CKAP5: variants seen among roughly 807,000 people sequenced by gnomAD.
CKAP5 encodes the protein cytoskeleton associated protein 5, also known as cytoskeleton-associated protein 5.
In CKAP5, 27 loss-of-function variants were observed where a neutral mutation model predicts 232.8. That is an observed-to-expected ratio of 0.12 (90% confidence interval 0.09 to 0.16). The LOEUF is 0.16. Among genes scored for constraint, CKAP5 ranks in the 10% least tolerant of loss-of-function variants. The probability of loss-of-function intolerance (pLI) is 1.00; values close to 1 mark genes in which losing one functional copy is unlikely to be tolerated. For missense variants in CKAP5, 1,838 were observed against 2,424.7 expected (o/e 0.76, Z 5.08); for synonymous variants, 785 against 841.1 (o/e 0.93, Z 1.16).
At chr11:46,805,885 C>T (rs1446378741) in intron 8 of CKAP5, among the ~76,000 whole-genome samples, 1 of 151,856 alleles carries the variant, frequency 6.6e-6, no homozygotes, top group Non-Finnish European at 1.5e-5. Flanking sequence ...TGCAGTGAGC[C>T]GAGATCGTGC....
At chr11:46,792,894 G>A (rs1054733723) in intron 13 of CKAP5, among the ~76,000 whole-genome samples, 46 of 152,218 alleles carry the variant, frequency 3.0e-4, no homozygotes, top group Admixed American at 2.8e-3. Context: ...AATAGCTGCC[G>A]ATTTCCTGTT....
At chr11:46,777,910 T>C (rs2065304905) in intron 22 of CKAP5, among the ~76,000 whole-genome samples, 3 of 152,214 alleles carry the variant, frequency 2.0e-5, no homozygotes, top group African/African-American at 7.2e-5. Context: ...ATATATTCAA[T>C]ATTGGATTCC....
intron 13 of CKAP5, among the ~76,000 whole-genome samples, chr11:46,792,552 C>A (rs1435219262): frequency 6.8e-6 from 1 of 147,578 alleles, no homozygotes; most frequent in African/African-American, 2.5e-5. Flanking sequence ...GACTCTGTCT[C>A]AAAAAAAAAC....
intron 9 of CKAP5, among the ~76,000 whole-genome samples, chr11:46,799,571 A>G (rs564255314): frequency 6.6e-6 from 1 of 152,374 alleles, no homozygotes; most frequent in East Asian, 1.9e-4. Context: ...ATATTACAGT[A>G]TTAAGGTGGG....
At chr11:46,838,380 G>A (rs1939964625) in intron 1 of CKAP5, among the ~76,000 whole-genome samples, 1 of 152,038 alleles carries the variant, frequency 6.6e-6, no homozygotes, top group African/African-American at 2.4e-5. Context: ...GCTCACACCA[G>A]TAATCCCAGC....
intron 1 of CKAP5, among the ~76,000 whole-genome samples, chr11:46,843,724 G>A (rs1188541099): frequency 5.3e-5 from 3 of 56,242 alleles, no homozygotes; most frequent in South Asian, 9.3e-4. Flanking sequence ...AGTGAGATCT[G>A]ATTGAAAAAA....
intron 9 of CKAP5, among the ~76,000 whole-genome samples, chr11:46,800,780 T>C (rs1446155362): frequency 6.6e-6 from 1 of 152,188 alleles, no homozygotes; most frequent in Non-Finnish European, 1.5e-5. Context: ...TAAAACACAT[T>C]TTATATATTA....
Position 46,743,901 on chromosome 11 carries a change from G to A in CKAP5, c.*122C>T. The stretch of plus-strand genomic sequence containing the variant: ...TGTGCCACAATGACTCCTCCCCCTA[G>A]CTCCACGGCATGATACATACAACCA... On this transcript the variant is annotated 3_prime_UTR_variant, in exon 44 of 44. Coordinates refer to ENST00000529230, the MANE Select transcript of CKAP5 (RefSeq NM_001008938.4). The A allele has an allele frequency of 8.1e-7, 1 of 1,236,218 alleles. No homozygotes were observed. 76.6% of individuals were successfully genotyped at this position (1,236,218 alleles called of 1,614,324 possible). A position where few individuals can be genotyped will look rare whatever the true frequency, so the allele number is the denominator to read the frequency against.
At chr11:46,784,006 G>A (rs1354558284) in intron 17 of CKAP5, among the ~76,000 whole-genome samples, 3 of 151,370 alleles carry the variant, frequency 2.0e-5, no homozygotes, top group Non-Finnish European at 2.9e-5. Context: ...GTGTCTGACC[G>A]AATATTTTTG....
At chr11:46,746,001 AT>A (rs2065019459) in intron 42 of CKAP5, among the ~76,000 whole-genome samples, 1 of 152,182 alleles carries the variant, frequency 6.6e-6, no homozygotes, top group Non-Finnish European at 1.5e-5. Context: ...GAAAGGCGTA[AT>A]TTAAGGTGTC....
At chr11:46,752,595 C>A in intron 38 of CKAP5, 40 bp downstream of exon 38, 1 of 1,494,874 alleles carries the variant, frequency 6.7e-7, no homozygotes, top group Non-Finnish European at 9.3e-7. Context: ...AAAGTGATTG[C>A]ATCTTTGAAA....
At position 46,758,979 on chromosome 11, in the gene CKAP5, T is replaced by C. The variant is rs2065133554; in HGVS notation, c.4633A>G (p.Ile1545Val). ...TCACCACTGGCTACTTGGGAGATAA[T>C]GAAATTGATTGTGGATGCTGTATTA... Reference protein sequence around the residue: ...HSNTASTINFIISQVASGDIN... With the variant: ...HSNTASTINFVISQVASGDIN... Residue 1545 changes from isoleucine (I) to valine (V), a missense_variant, in exon 35 of 44, where the codon ATT becomes GTT. Physicochemically the swap from Ile to Val is conservative, Grantham distance 29. Around this residue, in one of 6 missense-constraint regions of CKAP5, gnomAD observed 579 missense variants for 843.2 expected, o/e 0.69. Coordinates refer to ENST00000529230, the MANE Select transcript of CKAP5 (RefSeq NM_001008938.4). The C allele has an allele frequency of 6.2e-7, 1 of 1,613,416 alleles. No homozygotes were observed.
At chr11:46,810,942 C>A in intron 5 of CKAP5, 65 bp downstream of exon 5, 2 of 1,359,946 alleles carry the variant, frequency 1.5e-6, no homozygotes, top group Non-Finnish European at 2.0e-6. Context: ...ATATCAACAA[C>A]GATAGGAAGA....
chr11:46,810,013 C>G (rs1015625264), intron 5 of CKAP5, 139 bp from the exon 6 acceptor site: 2 of 834,728 alleles, frequency 2.4e-6, no homozygotes, highest in Non-Finnish European at 3.6e-6. Context: ...ACTCTGTCAC[C>G]CAGGCTGAAG....
chr11:46,807,086 A>C (rs146126152), intron 8 of CKAP5, among the ~76,000 whole-genome samples: 2 of 152,350 alleles, frequency 1.3e-5, no homozygotes, highest in Non-Finnish European at 2.9e-5. Flanking sequence ...AAAAGCTTCA[A>C]TCAGGCAAGA....
intron 1 of CKAP5, among the ~76,000 whole-genome samples, chr11:46,840,140 A>G (rs982087204): frequency 1.3e-5 from 2 of 152,122 alleles, no homozygotes; most frequent in African/African-American, 4.8e-5. Context: ...AAATTAATTA[A>G]TTAATTAATT....
At position 46,753,408 on chromosome 11, in the gene CKAP5, A is replaced by G. The variant is rs1291946331; in HGVS notation, c.4959T>C (p.Ser1653=). Residue 1653 remains serine, a synonymous_variant, in exon 37 of 44, where the codon TCT becomes TCC. Transcript: ENST00000529230. Reference sequence around the variant, plus strand: ...GTCCTTCCTCAAGATCTTCAATCCGAGAATCCAGCATTAAGGTGATGAGGC... The same window carrying G: ...GTCCTTCCTCAAGATCTTCAATCCGGGAATCCAGCATTAAGGTGATGAGGC... ...MHGLITLMLD[S]RIEDLEEGQQ... 6.2e-7 allele frequency: 1 copy of G among 1,613,986 alleles called. No homozygotes were observed. Among genetic ancestry groups the G allele is most frequent in the African/African-American group, 1.3e-5 (1 of 74,988 alleles).
intron 11 of CKAP5, 96 bp from the exon 12 acceptor site, chr11:46,797,036 C>G (rs1011076819): frequency 3.6e-6 from 5 of 1,392,486 alleles, no homozygotes; most frequent in Non-Finnish European, 4.9e-6. Context: ...AAAGAATTTG[C>G]TTTTTACAAT....
intron 18 of CKAP5, among the ~76,000 whole-genome samples, chr11:46,781,222 T>A (rs576977432): frequency 6.6e-6 from 1 of 152,224 alleles, no homozygotes; most frequent in Non-Finnish European, 1.5e-5. Context: ...CCTTGACTTT[T>A]TGAAGTTATC....
Sources: allele counts gnomAD v4.1 joint callset (sites outside exome capture counted in the v4.1 genomes callset), GRCh38; gene constraint gnomAD v4.1.1; regional missense constraint gnomAD v4.1.1; transcripts MANE v1.5; gene names NCBI Gene and HGNC (gene_info 2026-07-23, HGNC 2026-07-21).